ANKRD11: variants seen among roughly 807,000 people sequenced by gnomAD.
ANKRD11 encodes the protein ankyrin repeat domain 11, also known as ankyrin repeat domain-containing protein 11.
Under a neutral mutation model 195.7 loss-of-function variants are expected in ANKRD11, and 17 were observed. The observed-to-expected ratio is 0.09, with a 90% CI of 0.06 to 0.13. The LOEUF (loss-of-function observed/expected upper bound fraction) is 0.13. Among genes scored for constraint, ANKRD11 ranks in the 10% least tolerant of loss-of-function variants. The probability of loss-of-function intolerance (pLI) is 1.00; values close to 1 mark genes in which losing one functional copy is unlikely to be tolerated. For synonymous variants in ANKRD11, 1,953 were observed against 1,528.1 expected (o/e 1.28, Z -6.49); for missense variants, 3,735 against 3,566.1 (o/e 1.05, Z -1.21).
At chr16:89,326,715 C>T (rs1268736585) in intron 2 of ANKRD11, among the ~76,000 whole-genome samples, 2 of 152,154 alleles carry the variant, frequency 1.3e-5, no homozygotes, top group African/African-American at 4.8e-5. Context: ...GCACTCCAAC[C>T]TTGGTGACAG....
At chr16:89,379,911 C>T (rs990083093) in intron 2 of ANKRD11, among the ~76,000 whole-genome samples, 2 of 152,298 alleles carry the variant, frequency 1.3e-5, no homozygotes, top group African/African-American at 2.4e-5. Flanking sequence ...GCTGCAGACA[C>T]TGACCTTTTC....
chr16:89,283,591 C>A lies in ANKRD11; in HGVS notation c.2951G>T (p.Gly984Val), dbSNP rs754224251. The A allele has an allele frequency of 3.7e-6, 6 of 1,610,220 alleles. No homozygotes were observed. In the Admixed American group the frequency reaches 1.0e-4, roughly 27 times the overall value. ...GTCGCCGTCGGACTTGTCCTTGAAG[C>A]CACTCTCGCAGCCACACTCCTTCAG... The part of the protein sequence containing the change: ...EELKECGCES[G>V]FKDKSDGDFG... The change falls in exon 9 of 13, where the codon GGC becomes GTC. Residue 984 changes from glycine (G) to valine (V), a missense_variant. Physicochemically the swap from Gly to Val is moderately radical, Grantham distance 109. Coordinates refer to ENST00000301030, the MANE Select transcript of ANKRD11 (RefSeq NM_013275.6). The surrounding 1 kb of genome is among the most constrained non-coding windows in gnomAD (Gnocchi z 4.3).
intron 4 of ANKRD11, chr16:89,299,255 G>A (rs1433384315): frequency 5.6e-6 from 1 of 179,040 alleles, no homozygotes; most frequent in Non-Finnish European, 1.2e-5. Flanking sequence ...TGCCTGGGAG[G>A]AGATCTACAG....
intron 1 of ANKRD11, among the ~76,000 whole-genome samples, chr16:89,461,088 G>A (rs1177152676): frequency 2.1e-5 from 3 of 140,816 alleles, no homozygotes. Context: ...ATTCATAAGA[G>A]AAGAAAGGAC....
intron 1 of ANKRD11, among the ~76,000 whole-genome samples, chr16:89,439,017 C>T (rs997845109): frequency 6.7e-6 from 1 of 149,138 alleles, no homozygotes; most frequent in African/African-American, 2.5e-5. Context: ...CAAAAACAAA[C>T]AAAAATTTTA....
At position 89,280,932 on chromosome 16, in the gene ANKRD11, A is replaced by G. The variant is rs759715893; in HGVS notation, c.5610T>C (p.Ala1870=). The G allele has an allele frequency of 2.5e-6, 4 of 1,593,222 alleles. No homozygotes were observed. Among genetic ancestry groups the G allele is most frequent in the Non-Finnish European group, 3.4e-6 (4 of 1,166,564 alleles). Residue 1870 remains alanine (A), a synonymous_variant, in exon 9 of 13, where the codon GCT becomes GCC. Coordinates refer to ENST00000301030, the MANE Select transcript of ANKRD11 (RefSeq NM_013275.6). ...GAGACGGGGTGACAGTGACAACGGC[A>G]GCCGGTGGGCAGTGCAAAGCGTCGA... The part of the protein sequence containing the change: ...PKVDALHCPP[A]AVVTVTPSPE...
At chr16:89,435,948 C>T (rs1028226486) in intron 1 of ANKRD11, among the ~76,000 whole-genome samples, 1 of 152,182 alleles carries the variant, frequency 6.6e-6, no homozygotes, top group African/African-American at 2.4e-5. Context: ...GTTTCAAGAA[C>T]AGCCAGTTGT....
At chr16:89,409,044 T>G (rs1175602198) in intron 2 of ANKRD11, among the ~76,000 whole-genome samples, 1 of 152,048 alleles carries the variant, frequency 6.6e-6, no homozygotes, top group East Asian at 1.9e-4. Context: ...CAGCAGAGAA[T>G]TCAGAAAAGC....
intron 2 of ANKRD11, among the ~76,000 whole-genome samples, chr16:89,401,644 GC>G (rs975120369): frequency 1.3e-5 from 2 of 152,036 alleles, no homozygotes; most frequent in Non-Finnish European, 2.9e-5. Flanking sequence ...TGAAGTCCTA[GC>G]CCCCCAACAC....
chr16:89,268,366 G>T lies in ANKRD11; in HGVS notation c.*112C>A, dbSNP rs1396820949. ...TGTGGCCAAGTGCAGTCTCTCTCGG[G>T]GTCTCTCCCCGCCCGGGTGGACAGG... On this transcript the variant is annotated 3_prime_UTR_variant, in exon 13 of 13. Transcript: ENST00000301030. 9.6e-5 allele frequency: 52 copies of T among 541,362 alleles called. No individual in the cohort carries two copies. The East Asian group carries it at 1.5e-3, about 16-fold the overall frequency. The allele number at this position is 541,362 out of a possible 1,614,324, so 33.5% of individuals were successfully genotyped here.
At chr16:89,396,534 C>G (rs2041438746) in intron 2 of ANKRD11, among the ~76,000 whole-genome samples, 1 of 152,062 alleles carries the variant, frequency 6.6e-6, no homozygotes, top group Non-Finnish European at 1.5e-5. Flanking sequence ...CATTTTCCCA[C>G]TAGATTTTTT....
chr16:89,456,941 T>A (rs12934829), intron 1 of ANKRD11, among the ~76,000 whole-genome samples: 72,162 of 150,264 alleles, frequency 0.48, 17,808 homozygotes, highest in Middle Eastern at 0.67. Context: ...AGTGGTGGGG[T>A]GTTCGTTATG....
chr16:89,482,040 T>C (rs1475809218), intron 1 of ANKRD11, among the ~76,000 whole-genome samples: 1 of 152,134 alleles, frequency 6.6e-6, no homozygotes, highest in Admixed American at 6.6e-5. Context: ...TTTAGTCAAC[T>C]AAATGCATCT....
chr16:89,358,900 A>G (rs1384123291), intron 2 of ANKRD11, among the ~76,000 whole-genome samples: 1 of 151,962 alleles, frequency 6.6e-6, no homozygotes, highest in African/African-American at 2.4e-5. Context: ...ATCATGGCTC[A>G]CCACAGCCTC....
At chr16:89,395,423 G>C (rs965342812) in intron 2 of ANKRD11, among the ~76,000 whole-genome samples, 2 of 152,248 alleles carry the variant, frequency 1.3e-5, no homozygotes, top group African/African-American at 4.8e-5. Flanking sequence ...AAAGATCAAA[G>C]AGAGGAGACA....
chr16:89,447,001 T>C (rs146871868), intron 1 of ANKRD11, among the ~76,000 whole-genome samples: 3 of 152,122 alleles, frequency 2.0e-5, no homozygotes, highest in African/African-American at 7.2e-5. Flanking sequence ...GAAGCAAAGC[T>C]TGGAAAGGAC....
chr16:89,418,212 A>G (rs1394502495), intron 2 of ANKRD11, 72 bp downstream of exon 2: 3 of 444,532 alleles, frequency 6.7e-6, no homozygotes, highest in Non-Finnish European at 1.4e-5. Flanking sequence ...ACACTCACGC[A>G]TTATTTTGAT....
intron 1 of ANKRD11, among the ~76,000 whole-genome samples, chr16:89,447,922 A>G (rs913021201): frequency 1.3e-5 from 2 of 150,330 alleles, no homozygotes; most frequent in Non-Finnish European, 2.9e-5. Flanking sequence ...GTCCTGTCTC[A>G]GCCTCCCAGG....
chr16:89,437,109 T>C (rs559728131), intron 1 of ANKRD11, among the ~76,000 whole-genome samples: 21 of 152,164 alleles, frequency 1.4e-4, no homozygotes, highest in Admixed American at 7.2e-4. Flanking sequence ...TCAGCCTGTG[T>C]GTGACCATTT....
Sources: gnomAD v4.1 joint callset for allele counts (sites outside exome capture counted in the v4.1 genomes callset) on GRCh38, gnomAD v4.1.1 for gene constraint, Gnocchi (gnomAD v3.1) non-coding constraint, MANE v1.5 for transcripts, NCBI Gene and HGNC (gene_info 2026-07-23, HGNC 2026-07-21) for gene names.